Variants in PSD3 observed in about 807,000 individuals in gnomAD.
PSD3 encodes the protein PH and SEC7 domain-containing protein 3.
Under a neutral mutation model 105.5 loss-of-function variants are expected in PSD3, and 49 were observed. That is an observed-to-expected ratio of 0.46 (90% confidence interval 0.37 to 0.59). PSD3 has a LOEUF of 0.59. Among genes scored for constraint, PSD3 ranks in the 20% least tolerant of loss-of-function variants. The pLI, the probability that PSD3 is intolerant of heterozygous loss-of-function variation, is 0.00. For synonymous variants in PSD3, 557 were observed against 457.8 expected, an observed-to-expected ratio of 1.22 and a Z score of -2.77; for missense variants, 1,561 against 1,263.8, an observed-to-expected ratio of 1.24 and a Z score of -3.57.
chr8:18,705,480 G>C (rs957468885), intron 9 of PSD3, among the ~76,000 whole-genome samples: 1 of 143,410 alleles, frequency 7.0e-6, no homozygotes, highest in African/African-American at 2.7e-5. Flanking sequence ...ACAGTGAGCT[G>C]AGACCGTGCC....
At chr8:18,604,915 G>T (rs1804705295) in intron 11 of PSD3, among the ~76,000 whole-genome samples, 1 of 152,216 alleles carries the variant, frequency 6.6e-6, no homozygotes, top group African/African-American at 2.4e-5. Flanking sequence ...ACTGAGGCCT[G>T]GGAGTCTCCA....
intron 9 of PSD3, among the ~76,000 whole-genome samples, chr8:18,665,499 G>A (rs1799398215): frequency 6.6e-6 from 1 of 152,234 alleles, no homozygotes; most frequent in Admixed American, 6.5e-5. Flanking sequence ...AGTTTCCTGA[G>A]ATGGAAACTA....
chr8:18,656,708 C>T (rs2130857268), intron 9 of PSD3, among the ~76,000 whole-genome samples: 1 of 152,220 alleles, frequency 6.6e-6, no homozygotes, highest in Middle Eastern at 3.4e-3. Flanking sequence ...ATACCAACTA[C>T]CGAGAAACAT....
At chr8:18,933,957 T>G (rs1003962814) in intron 2 of PSD3, among the ~76,000 whole-genome samples, 3 of 152,234 alleles carry the variant, frequency 2.0e-5, no homozygotes, top group African/African-American at 7.2e-5. Context: ...CACATTCTCC[T>G]CTAAATTAGG....
chr8:18,960,290 TAAG>T (rs1242735561), intron 1 of PSD3, among the ~76,000 whole-genome samples: 1 of 152,170 alleles, frequency 6.6e-6, no homozygotes, highest in Non-Finnish European at 1.5e-5. Context: ...GAAGGAATCT[TAAG>T]AAAGAGAACG....
chr8:19,028,290 C>T (rs373904403), intron 1 of PSD3, among the ~76,000 whole-genome samples: 2 of 59,844 alleles, frequency 3.3e-5, no homozygotes, highest in South Asian at 6.0e-4. Context: ...CCCCCCCCCC[C>T]GGCCCACCCT....
intron 1 of PSD3, among the ~76,000 whole-genome samples, chr8:19,042,856 C>A (rs945013516): frequency 3.0e-4 from 45 of 152,244 alleles, no homozygotes; most frequent in African/African-American, 9.9e-4. Flanking sequence ...AAAGCACAAC[C>A]TTATAAGAAG....
chr8:19,046,572 T>G (rs542878338), intron 1 of PSD3, among the ~76,000 whole-genome samples: 2 of 152,194 alleles, frequency 1.3e-5, no homozygotes, highest in Admixed American at 6.5e-5. Context: ...TTACTCAATC[T>G]TGGCACTGTA....
chr8:18,806,096 G>A (rs914107767), intron 4 of PSD3, among the ~76,000 whole-genome samples: 15 of 152,198 alleles, frequency 9.9e-5, no homozygotes, highest in African/African-American at 3.4e-4. Context: ...GATCTCAAGC[G>A]CTGAAATGAA....
intron 12 of PSD3, among the ~76,000 whole-genome samples, chr8:18,585,989 T>A (rs1803156574): frequency 6.6e-6 from 1 of 152,056 alleles, no homozygotes; most frequent in Non-Finnish European, 1.5e-5. Flanking sequence ...AGAGATATAT[T>A]TTCCTAGGGG....
rs573307374 is a variant in PSD3, at chr8:18,678,465, A to C, written c.2173-22780T>G. Among the ~76,000 whole-genome samples, 20 of 152,312 alleles carry C rather than the reference A, an allele frequency of 1.3e-4. No individual in the cohort carries two copies. In the East Asian group the frequency reaches 3.5e-3, roughly 26 times the overall value. On this transcript the variant is annotated intron_variant, in intron 9 of 15. Transcript: ENST00000327040. ...TGCCTATCATTCTTTCCACCAACTAACTTCCAGCCAATCAAAACTGTTCTC... is the reference window on the plus strand; with the variant it reads ...TGCCTATCATTCTTTCCACCAACTACCTTCCAGCCAATCAAAACTGTTCTC...
At chr8:18,974,241 C>G (rs7816002) in intron 1 of PSD3, among the ~76,000 whole-genome samples, 79,199 of 152,058 alleles carry the variant, frequency 0.52, 20,737 homozygotes, top group Middle Eastern at 0.61. Flanking sequence ...GCTCAAAAAG[C>G]CTTCCTCAAA....
chr8:18,735,747 T>C (rs1804101735), intron 9 of PSD3, among the ~76,000 whole-genome samples: 2 of 152,146 alleles, frequency 1.3e-5, no homozygotes, highest in Non-Finnish European at 2.9e-5. Flanking sequence ...GATGAAACTA[T>C]GGGAAAACAA....
intron 1 of PSD3, among the ~76,000 whole-genome samples, chr8:18,984,107 G>C (rs1825379994): frequency 6.6e-6 from 1 of 151,006 alleles, no homozygotes; most frequent in African/African-American, 2.4e-5. Context: ...TTACAAAAAG[G>C]TGACAGAGAG....
At chr8:19,077,740 C>T (rs771841388) in intron 1 of PSD3, among the ~76,000 whole-genome samples, 5 of 152,198 alleles carry the variant, frequency 3.3e-5, no homozygotes, top group East Asian at 1.9e-4. Flanking sequence ...CAAATCATTG[C>T]GTGATGTGAT....
chr8:18,725,964 G>A (rs1393209197), intron 9 of PSD3, among the ~76,000 whole-genome samples: 1 of 152,206 alleles, frequency 6.6e-6, no homozygotes, highest in African/African-American at 2.4e-5. Context: ...CACACCCACT[G>A]AGAGTGCTGT....
intron 2 of PSD3, among the ~76,000 whole-genome samples, chr8:18,919,398 C>G (rs1353865333): frequency 6.6e-6 from 1 of 152,086 alleles, no homozygotes; most frequent in Non-Finnish European, 1.5e-5. Context: ...CCCGTGAGAA[C>G]AGGATTGCTC....
intron 15 of PSD3, among the ~76,000 whole-genome samples, chr8:18,536,281 G>A (rs2129911702): frequency 6.6e-6 from 1 of 152,300 alleles, no homozygotes; most frequent in East Asian, 1.9e-4. Context: ...CTAAGTTGGA[G>A]GAGCTGTCAC....
chr8:18,918,410 T>C (rs889531332), intron 2 of PSD3, among the ~76,000 whole-genome samples: 2 of 152,232 alleles, frequency 1.3e-5, no homozygotes, highest in African/African-American at 2.4e-5. Flanking sequence ...ACCTCTACTG[T>C]AGCAGGTATC....
Sources: allele counts gnomAD v4.1 joint callset (sites outside exome capture counted in the v4.1 genomes callset), GRCh38; gene constraint gnomAD v4.1.1; transcripts MANE v1.5; gene names NCBI Gene and HGNC (gene_info 2026-07-23, HGNC 2026-07-21).